The following BCO2 variants were observed in gnomAD, a reference collection of about 807,000 sequenced individuals.
BCO2 encodes beta-carotene oxygenase 2, also known as carotenoid-cleaving dioxygenase, mitochondrial.
In BCO2, 56 loss-of-function variants were observed where a neutral mutation model predicts 65.8. That is an observed-to-expected ratio of 0.85 (90% CI 0.69 to 1.06). The LOEUF (loss-of-function observed/expected upper bound fraction) is 1.06. BCO2 is among the 50% of genes least tolerant of loss of function. The pLI is 0.00. For synonymous variants in BCO2, 233 were observed against 242.3 expected (o/e 0.96, Z 0.36); for missense variants, 675 against 698.5 (o/e 0.97, Z 0.38).
At chr11:112,194,954 C>T (rs906732036) in intron 5 of BCO2, among the ~76,000 whole-genome samples, 199 bp downstream of exon 5, 1 of 152,010 alleles carries the variant, frequency 6.6e-6, no homozygotes, top group Non-Finnish European at 1.5e-5. Flanking sequence ...TAGGAAACAG[C>T]AAACATCCTT....
chr11:112,180,906 G>A, intron 2 of BCO2: 1 of 1,086,532 alleles, frequency 9.2e-7, no homozygotes, highest in Admixed American at 1.7e-5. Flanking sequence ...GTGTATAATG[G>A]GAAAGGTGGA....
Position 112,188,389 on chromosome 11 carries a change from T to C in BCO2, c.294-5085T>C, listed in dbSNP as rs141631549. ...CTTGAATTATTGCCTGGGCTCCTCGTTGGCTTCTTCAATCTGTATGCTGTT... is the reference window on the plus strand; with the variant it reads ...CTTGAATTATTGCCTGGGCTCCTCGCTGGCTTCTTCAATCTGTATGCTGTT... On this transcript the variant is annotated intron_variant, in intron 2 of 11. Coordinates refer to ENST00000357685, the MANE Select transcript of BCO2 (RefSeq NM_031938.7). Among the ~76,000 whole-genome samples the C allele has an allele frequency of 1.3e-3, 193 of 152,330 alleles. 5 individuals carry two copies. The East Asian group carries it at 0.035, about 28-fold the overall frequency.
At chr11:112,204,144 G>C (rs1042950457) in intron 8 of BCO2, among the ~76,000 whole-genome samples, 1 of 152,194 alleles carries the variant, frequency 6.6e-6, no homozygotes, top group Non-Finnish European at 1.5e-5. Context: ...GTGAGCCACA[G>C]CGCCCTGCCT....
At chr11:112,213,059 C>T (rs146398912) in intron 8 of BCO2, among the ~76,000 whole-genome samples, 2 of 151,478 alleles carry the variant, frequency 1.3e-5, no homozygotes, top group East Asian at 1.9e-4. Context: ...AGAAGGAAAG[C>T]ACCCTTTGTT....
intron 8 of BCO2, among the ~76,000 whole-genome samples, chr11:112,209,196 C>T (rs1274205524): frequency 6.6e-6 from 1 of 152,156 alleles, no homozygotes; most frequent in African/African-American, 2.4e-5. Flanking sequence ...CTACCAATAT[C>T]ATACAGAATA....
At chr11:112,182,999 G>A (rs7116736) in intron 2 of BCO2, 1,048,970 of 1,050,940 alleles carry the variant, frequency 1, 523,584 homozygotes, top group East Asian at 1. Context: ...TTAACCTGAG[G>A]GTGGCTACAT....
intron 2 of BCO2, among the ~76,000 whole-genome samples, chr11:112,187,919 G>A (rs1484765634): frequency 1.3e-5 from 2 of 152,162 alleles, no homozygotes; most frequent in East Asian, 3.9e-4. Context: ...TTTCCTCGCA[G>A]GGTCAATGTG....
rs539307959 is a variant in BCO2, at chr11:112,184,250, G to A, written c.293+4768G>A. On this transcript the variant is annotated intron_variant, in intron 2 of 11. Transcript: ENST00000357685. ...GCTAGAACCCTACAGTGGGGAATGA[G>A]GAATTTTTTTTTTTTTTTTTGAGAC... Among the ~76,000 whole-genome samples the A allele has an allele frequency of 3.5e-3, 526 of 151,702 alleles. 2 individuals are homozygous for A. Among genetic ancestry groups the A allele is most frequent in the African/African-American group, 0.011 (446 of 41,306 alleles).
At chr11:112,178,795 C>T (rs1406892454) in intron 1 of BCO2, among the ~76,000 whole-genome samples, 1 of 152,182 alleles carries the variant, frequency 6.6e-6, no homozygotes, top group Non-Finnish European at 1.5e-5. Context: ...ATTAAATTCA[C>T]AGGAATCGCT....
intron 8 of BCO2, among the ~76,000 whole-genome samples, chr11:112,213,148 T>A (rs1469321064): frequency 7.6e-6 from 1 of 130,744 alleles, no homozygotes; most frequent in African/African-American, 2.9e-5. Context: ...TTTTTTTTTT[T>A]TTTTTTTTTT....
chr11:112,208,350 T>C (rs953291614), intron 8 of BCO2, among the ~76,000 whole-genome samples: 2 of 152,180 alleles, frequency 1.3e-5, no homozygotes, highest in Non-Finnish European at 2.9e-5. Context: ...TTTTAGATTT[T>C]TACATCTATA....
intron 10 of BCO2, chr11:112,215,514 T>G (rs140247627): frequency 0.011 from 1,771 of 155,498 alleles, 22 homozygotes; most frequent in Non-Finnish European, 0.016. Context: ...ATCAAGACCA[T>G]CCTGGCCAAC....
intron 2 of BCO2, among the ~76,000 whole-genome samples, chr11:112,186,370 A>G (rs148516381): frequency 6.6e-6 from 1 of 152,288 alleles, no homozygotes; most frequent in Non-Finnish European, 1.5e-5. Context: ...CAGTTTCTTC[A>G]GAGCCAGTGG....
Position 112,202,182 on chromosome 11 carries a change from C to A in BCO2, c.1186C>A (p.Leu396Ile). ...GAATCTCAGGAAGGCTGGGGAAGGGCTTGATCAGGTAAACATTAGAATTTG... is the reference window on the plus strand; with the variant it reads ...GAATCTCAGGAAGGCTGGGGAAGGGATTGATCAGGTAAACATTAGAATTTG... ...LQNLRKAGEGLDQVHNSAAKS... is the reference protein window; with the variant it reads ...LQNLRKAGEGIDQVHNSAAKS... The change falls in exon 8 of 12, where the codon CTT (leucine) becomes ATT (isoleucine). Residue 396 changes from leucine to isoleucine, a missense_variant. Coordinates refer to ENST00000357685, the MANE Select transcript of BCO2 (RefSeq NM_031938.7). The A allele has an allele frequency of 1.2e-6, 2 of 1,608,168 alleles. No individual in the cohort carries two copies. The highest frequency in any genetic ancestry group is 1.7e-6 in the Non-Finnish European group (2 of 1,178,238).
intron 2 of BCO2, among the ~76,000 whole-genome samples, chr11:112,183,505 G>A (rs1449840113): frequency 6.6e-6 from 1 of 152,080 alleles, no homozygotes; most frequent in Admixed American, 6.6e-5. Flanking sequence ...TTTTAAATAG[G>A]CATGATGTGG....
chr11:112,177,974 T>A (rs148151258), intron 1 of BCO2, among the ~76,000 whole-genome samples: 1,134 of 99,024 alleles, frequency 0.011, 37 homozygotes, highest in East Asian at 0.082. Context: ...AGTGCTGCGA[T>A]CTCGGCTCAC....
At chr11:112,203,868 T>G (rs1867799760) in intron 8 of BCO2, among the ~76,000 whole-genome samples, 1 of 152,158 alleles carries the variant, frequency 6.6e-6, no homozygotes, top group African/African-American at 2.4e-5. Flanking sequence ...TTTTCTTTTT[T>G]TTTTGAGACG....
chr11:112,202,287 CTCTTTTT>C, intron 8 of BCO2, 97 bp downstream of exon 8: 1 of 1,153,312 alleles, frequency 8.7e-7, no homozygotes, highest in Non-Finnish European at 1.2e-6. Context: ...CTCTCTCTCT[CTCTTTTT>C]TCTTTTGAGA....
Position 112,214,801 on chromosome 11 carries a change from G to C in BCO2, c.1372G>C (p.Glu458Gln), listed in dbSNP as rs140774357. 6 of 1,613,906 alleles carry C rather than the reference G, an allele frequency of 3.7e-6. No individual in the cohort carries two copies. The highest frequency in any genetic ancestry group is 4.2e-6 in the Non-Finnish European group (5 of 1,179,796). ...SHENLHQEDLEKEGGIEFPQI... is the reference protein window; with the variant it reads ...SHENLHQEDLQKEGGIEFPQI... ...TGAAAATCTACATCAGGAGGACCTA[G>C]AAAAGGAAGGAGGCATTGAATTTCC... The change falls in exon 10 of 12, where the codon GAA becomes CAA. Residue 458 changes from glutamate to glutamine, a missense_variant. Physicochemically the swap from Glu to Gln is conservative, Grantham distance 29. Coordinates refer to ENST00000357685, the MANE Select transcript of BCO2 (RefSeq NM_031938.7).
Sources: gnomAD v4.1 joint callset for allele counts (sites outside exome capture counted in the v4.1 genomes callset) on GRCh38, gnomAD v4.1.1 for gene constraint, MANE v1.5 for transcripts, NCBI Gene and HGNC (gene_info 2026-07-23, HGNC 2026-07-21) for gene names.